MICAL2: variants seen among roughly 807,000 people sequenced by gnomAD.
MICAL2 encodes the protein [F-actin]-monooxygenase MICAL2.
MICAL2 carries 77 observed loss-of-function variants against 127.3 expected under a neutral mutation model. The ratio of observed to expected loss-of-function variants is 0.60; its 90% confidence interval spans 0.50 to 0.73. MICAL2 has a LOEUF of 0.73. MICAL2 is among the 30% of genes least tolerant of loss of function. MICAL2 has a pLI of 0.00. For missense variants in MICAL2, 1,351 were observed against 1,434.4 expected (o/e 0.94, Z 0.94); for synonymous variants, 570 against 551.1 (o/e 1.03, Z -0.48).
chr11:12,285,248 G>A (rs1014692615), intron 2 of MICAL2, among the ~76,000 whole-genome samples: 6 of 152,098 alleles, frequency 3.9e-5, no homozygotes, highest in Non-Finnish European at 5.9e-5. Context: ...ACCTCTGAGC[G>A]CAGAGTCTGC....
At chr11:12,137,346 G>A (rs994159239) in intron 1 of MICAL2, among the ~76,000 whole-genome samples, 2 of 152,200 alleles carry the variant, frequency 1.3e-5, no homozygotes, top group African/African-American at 2.4e-5. Context: ...GAAAGACCAT[G>A]AGCACAGGGG....
upstream of MICAL2, among the ~76,000 whole-genome samples, chr11:12,275,403 T>C (rs1374328727): frequency 1.3e-5 from 2 of 152,048 alleles, no homozygotes; most frequent in African/African-American, 4.8e-5. Flanking sequence ...AGAGCATGAG[T>C]GTAGACAGAG....
At chr11:12,125,379 G>A (rs1197215898) in intron 1 of MICAL2, among the ~76,000 whole-genome samples, 9 of 152,128 alleles carry the variant, frequency 5.9e-5, no homozygotes, top group Admixed American at 2.6e-4. Context: ...TCGACCTCCC[G>A]AGTAGCTGGG....
intron 4 of MICAL2, among the ~76,000 whole-genome samples, chr11:12,206,665 C>T (rs1211755989): frequency 2.6e-5 from 4 of 152,180 alleles, no homozygotes; most frequent in Admixed American, 2.6e-4. Context: ...CTTCCTCCTC[C>T]AGTTCCCACT....
At chr11:12,260,340 A>C in intron 26 of MICAL2, 1 of 1,403,166 alleles carries the variant, frequency 7.1e-7, no homozygotes. Flanking sequence ...ATCAGGGTGA[A>C]CATCTACTCA....
chr11:12,349,633 A>G (rs988306311), intron 32 of MICAL2, among the ~76,000 whole-genome samples: 31 of 151,680 alleles, frequency 2.0e-4, no homozygotes, highest in African/African-American at 7.3e-4. Flanking sequence ...GTCCAAGAAG[A>G]CCCCCTCACA....
At chr11:12,198,065 C>G (rs554106670) in intron 3 of MICAL2, among the ~76,000 whole-genome samples, 5 of 152,296 alleles carry the variant, frequency 3.3e-5, no homozygotes, top group African/African-American at 9.6e-5. Context: ...CAGAGCAGCA[C>G]TTGAAGTTCC....
chr11:12,331,243 C>G (rs1009849286), intron 32 of MICAL2, among the ~76,000 whole-genome samples: 2 of 152,156 alleles, frequency 1.3e-5, no homozygotes, highest in African/African-American at 4.8e-5. Context: ...TCTGGGCTTT[C>G]TTTCAATACC....
intron 31 of MICAL2, among the ~76,000 whole-genome samples, chr11:12,326,473 G>C (rs1372868130): frequency 6.6e-6 from 1 of 152,158 alleles, no homozygotes; most frequent in African/African-American, 2.4e-5. Flanking sequence ...GACCTTAACA[G>C]GTGTCTATAA....
At chr11:12,358,247 C>T (rs201072167) in intron 34 of MICAL2, 148 of 1,580,702 alleles carry the variant, frequency 9.4e-5, no homozygotes, top group Middle Eastern at 3.4e-4. Flanking sequence ...AGAACTCTGC[C>T]GGGGCCCAAT....
chr11:12,208,196 C>A, intron 5 of MICAL2, 57 bp downstream of exon 5: 1 of 1,352,616 alleles, frequency 7.4e-7, no homozygotes, highest in Non-Finnish European at 1.1e-6. Context: ...ATAGAAATTC[C>A]ACTTGCTGCT....
intron 3 of MICAL2, among the ~76,000 whole-genome samples, chr11:12,199,288 C>T (rs565433781): frequency 5.3e-5 from 8 of 152,210 alleles, no homozygotes; most frequent in Non-Finnish European, 1.2e-4. Context: ...AGGACAGTGC[C>T]TGGCAAATAG....
At chr11:12,261,111 C>G (rs552454620) in intron 26 of MICAL2, 15 of 985,414 alleles carry the variant, frequency 1.5e-5, no homozygotes, top group Non-Finnish European at 1.8e-5. Context: ...AAGACTCTGT[C>G]CACTTATGTG....
chr11:12,241,316 A>G (rs2092424582), intron 18 of MICAL2, among the ~76,000 whole-genome samples, 154 bp downstream of exon 18: 1 of 152,188 alleles, frequency 6.6e-6, no homozygotes, highest in South Asian at 2.1e-4. Context: ...GGTAAGAATA[A>G]CCAAGTATGC....
intron 2 of MICAL2, among the ~76,000 whole-genome samples, chr11:12,148,914 G>C (rs1347881862): frequency 6.6e-6 from 1 of 152,176 alleles, no homozygotes; most frequent in Non-Finnish European, 1.5e-5. Context: ...TCACCCAAGG[G>C]GTCAGGACTG....
downstream of MICAL2, among the ~76,000 whole-genome samples, chr11:12,289,751 T>C (rs1863874000): frequency 6.6e-6 from 1 of 152,048 alleles, no homozygotes; most frequent in Non-Finnish European, 1.5e-5. Flanking sequence ...GTATTTTTGG[T>C]AAAAACAAGG....
chr11:12,308,965 G>T (rs1235101302), intron 29 of MICAL2, among the ~76,000 whole-genome samples: 1 of 152,102 alleles, frequency 6.6e-6, no homozygotes, highest in Non-Finnish European at 1.5e-5. Context: ...TGCTTTTTCT[G>T]CATCTGTTGG....
At chr11:12,239,712 G>C in intron 17 of MICAL2, 127 bp downstream of exon 17, 1 of 1,144,210 alleles carries the variant, frequency 8.7e-7, no homozygotes, top group Non-Finnish European at 1.2e-6. Context: ...GCTCCTTCTA[G>C]ATCAGGAGTC....
chr11:12,298,058 A>G (rs574040570), intron 29 of MICAL2, among the ~76,000 whole-genome samples: 18 of 151,450 alleles, frequency 1.2e-4, no homozygotes, highest in Non-Finnish European at 2.4e-4. Context: ...CTATCTACCA[A>G]AAAAAAAGTC....
Sources: gnomAD v4.1 joint callset for allele counts (sites outside exome capture counted in the v4.1 genomes callset) on GRCh38, gnomAD v4.1.1 for gene constraint, MANE v1.5 for transcripts, NCBI Gene and HGNC (gene_info 2026-07-23, HGNC 2026-07-21) for gene names.